The following OSBPL9 variants were observed in gnomAD, a reference collection of about 807,000 sequenced individuals.
OSBPL9 encodes oxysterol binding protein like 9.
OSBPL9 carries 40 observed loss-of-function variants against 106.6 expected under a neutral mutation model. That is an observed-to-expected ratio of 0.38 (90% CI 0.29 to 0.49). OSBPL9 has a LOEUF of 0.49. Ranked by LOEUF, OSBPL9 falls within the 20% of genes least tolerant of loss-of-function variation. The probability of loss-of-function intolerance (pLI) is 0.97; values close to 1 mark genes in which losing one functional copy is unlikely to be tolerated. For missense variants in OSBPL9, 609 were observed against 887.2 expected (o/e 0.69, Z 3.98); for synonymous variants, 269 against 295.4 (o/e 0.91, Z 0.92).
chr1:51,726,734 G>A (rs1391360436), intron 4 of OSBPL9, among the ~76,000 whole-genome samples: 1 of 152,000 alleles, frequency 6.6e-6, no homozygotes, highest in Non-Finnish European at 1.5e-5. Context: ...TTTAGGCACT[G>A]GTCACTTTAT....
chr1:51,714,121 T>C, intron 4 of OSBPL9, 42 bp downstream of exon 4: 1 of 1,449,882 alleles, frequency 6.9e-7, no homozygotes, highest in Non-Finnish European at 9.4e-7. Flanking sequence ...CATTAGTTGT[T>C]GCTTTCTTTT....
At chr1:51,659,151 A>G (rs1646989975) in intron 2 of OSBPL9, among the ~76,000 whole-genome samples, 1 of 152,176 alleles carries the variant, frequency 6.6e-6, no homozygotes, top group Admixed American at 6.5e-5. Context: ...GGGAAACAGA[A>G]TTAATATCAG....
chr1:51,655,444 C>T (rs1435720543), intron 2 of OSBPL9, among the ~76,000 whole-genome samples: 2 of 152,188 alleles, frequency 1.3e-5, no homozygotes, highest in Non-Finnish European at 2.9e-5. Context: ...CCTTCTGGTG[C>T]TCTGAATCTT....
upstream of OSBPL9, among the ~76,000 whole-genome samples, chr1:51,575,506 C>T (rs1344867948): frequency 6.6e-6 from 1 of 151,976 alleles, no homozygotes; most frequent in Non-Finnish European, 1.5e-5. Context: ...CCACCGTGCC[C>T]AGCCCCCAAT....
intron 15 of OSBPL9, among the ~76,000 whole-genome samples, chr1:51,779,432 T>TA (rs1227265980): frequency 3.3e-5 from 5 of 152,154 alleles, no homozygotes; most frequent in Non-Finnish European, 7.4e-5. Context: ...ATCTAAGACC[T>TA]AAAATCATAA....
At chr1:51,703,972 C>T (rs1245708963) in intron 3 of OSBPL9, among the ~76,000 whole-genome samples, 3 of 152,192 alleles carry the variant, frequency 2.0e-5, no homozygotes, top group Non-Finnish European at 4.4e-5. Context: ...AGCCTTGCAT[C>T]CCAGGGATGA....
At chr1:51,647,869 C>G (rs112178719) in intron 1 of OSBPL9, among the ~76,000 whole-genome samples, 1 of 152,086 alleles carries the variant, frequency 6.6e-6, no homozygotes, top group South Asian at 2.1e-4. Flanking sequence ...AGTCCCAGCA[C>G]TTTGGGAGGC....
intron 2 of OSBPL9, among the ~76,000 whole-genome samples, chr1:51,665,815 A>G (rs190887681): frequency 6.6e-6 from 1 of 152,252 alleles, no homozygotes; most frequent in Non-Finnish European, 1.5e-5. Context: ...GCAGCGAGAA[A>G]TGTTTCTGCA....
intron 1 of OSBPL9, among the ~76,000 whole-genome samples, chr1:51,586,580 TA>T (rs1645249149): frequency 6.6e-6 from 1 of 152,182 alleles, no homozygotes; most frequent in African/African-American, 2.4e-5. Context: ...AAAGAAATCC[TA>T]GGAAGGGAAT....
At chr1:51,765,658 T>G (rs1303329309) in intron 11 of OSBPL9, 164 bp from the exon 12 acceptor site, 1 of 537,442 alleles carries the variant, frequency 1.9e-6, no homozygotes, top group Non-Finnish European at 3.2e-6. Flanking sequence ...ATTTGCCATT[T>G]TCTGTGTGGA....
rs12074931 is a variant in OSBPL9 at position 51,740,343 on chromosome 1, C to T, written c.319-5193C>T. ...TATTCTCATATTTTAATCAAAATTACATTCCTGCTAAGTTTTCATTAGTTT... is the reference window on the plus strand; with the variant it reads ...TATTCTCATATTTTAATCAAAATTATATTCCTGCTAAGTTTTCATTAGTTT... On this transcript the variant is annotated intron_variant, in intron 4 of 23. Transcript: ENST00000428468. The T allele has an allele frequency of 2.3e-4, 259 of 1,144,102 alleles. 1 individual carries two copies. In the African/African-American group the frequency reaches 3.5e-3, roughly 15 times the overall value. 70.9% of individuals were successfully genotyped at this position (1,144,102 alleles called of 1,614,324 possible).
intron 1 of OSBPL9, among the ~76,000 whole-genome samples, chr1:51,640,335 A>G (rs1645708514): frequency 6.6e-6 from 1 of 152,226 alleles, no homozygotes; most frequent in South Asian, 2.1e-4. Context: ...TTTAAACTTA[A>G]TAAGATGTTT....
intron 15 of OSBPL9, 131 bp from the exon 16 acceptor site, chr1:51,781,033 T>G: frequency 1.5e-6 from 1 of 673,874 alleles, no homozygotes; most frequent in Admixed American, 2.9e-5. Flanking sequence ...AAAATGAAAC[T>G]GTAAGCTAAC....
At chr1:51,530,999 T>TGCGGTG in the OSBPL9 span, among the ~76,000 whole-genome samples, 1 of 147,832 alleles carries the variant, frequency 6.8e-6, no homozygotes, top group Non-Finnish European at 1.5e-5. Context: ...TAGGGCCAGG[T>TGCGGTG]GCGGTGGCTC....
Position 51,729,397 on chromosome 1 carries a change from C to G in OSBPL9, c.318+15318C>G, listed in dbSNP as rs930068037. On this transcript the variant is annotated intron_variant, in intron 4 of 23. Transcript: ENST00000428468. The surrounding 1 kb of genome is among the most constrained non-coding windows in gnomAD (Gnocchi z 5.1). ...GGTGTAGGTGAGGCACGCTGGCGCC[C>G]GCGGGCCCTTCTCCAGCCGCTACCC... 2.0e-5 allele frequency: 3 copies of G among 152,380 alleles called. No homozygotes were observed. Among genetic ancestry groups the G allele is most frequent in the African/African-American group, 4.8e-5 (2 of 41,442 alleles). The allele number at this position is 152,380 out of a possible 1,614,324, so 9.4% of individuals were successfully genotyped here.
chr1:51,677,224 T>G (rs1212868799), intron 3 of OSBPL9, among the ~76,000 whole-genome samples: 2 of 152,238 alleles, frequency 1.3e-5, no homozygotes, highest in African/African-American at 4.8e-5. Flanking sequence ...GCTCTAGTGA[T>G]TCTGATGCAC....
intron 3 of OSBPL9, among the ~76,000 whole-genome samples, chr1:51,700,497 T>A (rs935594322): frequency 6.6e-6 from 1 of 152,252 alleles, no homozygotes; most frequent in Admixed American, 6.5e-5. Flanking sequence ...TTTCATGACC[T>A]TGACATTTTT....
At chr1:51,693,316 G>A (rs1275254303) in intron 3 of OSBPL9, among the ~76,000 whole-genome samples, 1 of 151,380 alleles carries the variant, frequency 6.6e-6, no homozygotes, top group Non-Finnish European at 1.5e-5. Context: ...AGGCTGCTGC[G>A]AGCCATGTTA....
chr1:51,610,114 G>A (rs779088522), intron 2 of OSBPL9, among the ~76,000 whole-genome samples: 48 of 152,140 alleles, frequency 3.2e-4, no homozygotes, highest in Non-Finnish European at 6.6e-4. Context: ...CATTAAGGAC[G>A]CTGTGAGATA....
Sources: allele counts gnomAD v4.1 joint callset (sites outside exome capture counted in the v4.1 genomes callset), GRCh38; gene constraint gnomAD v4.1.1; non-coding constraint Gnocchi (gnomAD v3.1); transcripts MANE v1.5; gene names NCBI Gene and HGNC (gene_info 2026-07-23, HGNC 2026-07-21).